MAPK8IP2: variants seen among roughly 807,000 people sequenced by gnomAD.
MAPK8IP2 encodes mitogen-activated protein kinase 8 interacting protein 2.
A neutral mutation model predicts 75.6 loss-of-function variants in MAPK8IP2; 15 were observed. That is an observed-to-expected ratio of 0.20 (90% CI 0.13 to 0.31). The LOEUF (loss-of-function observed/expected upper bound fraction) is 0.31, where lower values mean the gene tolerates loss of function less well. Ranked by LOEUF, MAPK8IP2 falls within the 10% of genes least tolerant of loss-of-function variation. The pLI is 1.00. For synonymous variants in MAPK8IP2, 632 were observed against 554.5 expected, an observed-to-expected ratio of 1.14 and a Z score of -1.96; for missense variants, 1,089 against 1,211.2, an observed-to-expected ratio of 0.90 and a Z score of 1.50.
Position 50,605,819 on chromosome 22 carries a change from C to G in MAPK8IP2, c.2015-6C>G. 6.3e-7 allele frequency: 1 copy of G among 1,590,118 alleles called. No homozygotes were observed. The highest frequency in any genetic ancestry group is 8.6e-7 in the Non-Finnish European group (1 of 1,169,354). On this transcript the variant is annotated splice_polypyrimidine_tract_variant and splice_region_variant and intron_variant, in intron 7 of 11. Transcript: ENST00000329492. Reference sequence around the variant, plus strand: ...TGACCTGGGCCCTCTGTGCCCCGCTCCCCAGGGAGTAAGCGGAGCCCCTGC... The same window carrying G: ...TGACCTGGGCCCTCTGTGCCCCGCTGCCCAGGGAGTAAGCGGAGCCCCTGC...
Position 50,604,300 on chromosome 22 carries a change from G to C in MAPK8IP2, c.1001G>C (p.Gly334Ala). ...PDDTNSEYES[G>A]SESEPDLSED... ...GACACCAACAGCGAGTACGAGTCGG[G>C]GTCGGAGTCGGAGCCGGACCTCAGC... The change falls in exon 5 of 12, where the codon GGG (glycine) becomes GCG (alanine). Residue 334 changes from glycine to alanine, a missense_variant. By Grantham distance (60) the Gly-to-Ala change is moderately conservative. Coordinates refer to ENST00000329492, the MANE Select transcript of MAPK8IP2 (RefSeq NM_012324.6). 6.4e-7 allele frequency: 1 copy of C among 1,553,168 alleles called. No individual in the cohort carries two copies. Among genetic ancestry groups the C allele is most frequent in the Non-Finnish European group, 8.6e-7 (1 of 1,156,848 alleles).
Position 50,603,816 on chromosome 22 carries a change from G to C in MAPK8IP2, c.542-25G>C, listed in dbSNP as rs747248847. ...AAGAGGCCTGGGTGGTGCAGAGAGGGTGACCCCACCTCCCTGCCCAGCAGA... is the reference window on the plus strand; with the variant it reads ...AAGAGGCCTGGGTGGTGCAGAGAGGCTGACCCCACCTCCCTGCCCAGCAGA... On this transcript the variant is annotated intron_variant, in intron 4 of 11. Coordinates refer to ENST00000329492, the MANE Select transcript of MAPK8IP2 (RefSeq NM_012324.6). 32 of 1,524,772 alleles carry C rather than the reference G, an allele frequency of 2.1e-5. No homozygotes were observed. The South Asian group carries it at 3.8e-4, about 18-fold the overall frequency. 94.5% of individuals were successfully genotyped at this position (1,524,772 alleles called of 1,614,324 possible). A position where few individuals can be genotyped will look rare whatever the true frequency, so the allele number is the denominator to read the frequency against.
chr22:50,609,820 G>A lies in MAPK8IP2; in HGVS notation c.2304-392G>A, dbSNP rs773638694. The A allele has an allele frequency of 1.3e-5, 7 of 520,676 alleles. No homozygotes were observed. In the Admixed American group the frequency reaches 1.4e-4, roughly 10 times the overall value. 32.3% of individuals were successfully genotyped at this position (520,676 alleles called of 1,614,324 possible). On this transcript the variant is annotated intron_variant, in intron 10 of 11. Transcript: ENST00000329492. The stretch of plus-strand genomic sequence containing the variant: ...GCCCCACCTCGGAGCTGGGCAAGGG[G>A]CTGTCAGTCTGCTAGGCCCGCAGGA...
At chr22:50,602,813 C>T (rs926373074) in intron 2 of MAPK8IP2, among the ~76,000 whole-genome samples, 3 of 152,128 alleles carry the variant, frequency 2.0e-5, no homozygotes, top group African/African-American at 7.2e-5. Flanking sequence ...TTCTTGGGGG[C>T]GGGTGCAACA....
chr22:50,602,843 C>T (rs954870444), intron 2 of MAPK8IP2, among the ~76,000 whole-genome samples: 1 of 152,218 alleles, frequency 6.6e-6, no homozygotes, highest in African/African-American at 2.4e-5. Flanking sequence ...ATGGACATGA[C>T]CCTGCCCTGG....
rs923951700 is a variant in MAPK8IP2 at position 50,605,262 on chromosome 22, A to G, written c.1766-106A>G. On this transcript the variant is annotated intron_variant, in intron 5 of 11. Coordinates refer to ENST00000329492, the MANE Select transcript of MAPK8IP2 (RefSeq NM_012324.6). ...TCCTTCCCGCTCGTAGGACACCTAC[A>G]CCGGACTGTGGAGGGGACTTGGCCT... is the stretch of plus-strand genomic sequence containing the variant. 30 of 1,192,164 alleles carry G rather than the reference A, an allele frequency of 2.5e-5. No homozygotes were observed. The African/African-American group carries it at 3.1e-4, about 12-fold the overall frequency. 73.8% of individuals were successfully genotyped at this position (1,192,164 alleles called of 1,614,324 possible). A position where few individuals can be genotyped will look rare whatever the true frequency, so the allele number is the denominator to read the frequency against.
At chr22:50,603,017 G>C in intron 2 of MAPK8IP2, 1 of 1,047,846 alleles carries the variant, frequency 9.5e-7, no homozygotes, top group Non-Finnish European at 1.3e-6. Context: ...TTCAGCTGTA[G>C]AGTTTAGGCC....
At position 50,610,946 on chromosome 22, in the gene MAPK8IP2, C is replaced by T. The variant is rs1318134875; in HGVS notation, c.*167C>T. 1.5e-5 allele frequency: 9 copies of T among 597,926 alleles called. No homozygotes were observed. The highest frequency in any genetic ancestry group is 2.6e-5 in the Non-Finnish European group (9 of 342,262). The allele number at this position is 597,926 out of a possible 1,614,324, so 37.0% of individuals were successfully genotyped here. On this transcript the variant is annotated 3_prime_UTR_variant, in exon 12 of 12. Coordinates refer to ENST00000329492, the MANE Select transcript of MAPK8IP2 (RefSeq NM_012324.6). The surrounding 1 kb of genome is among the most constrained non-coding windows in gnomAD (Gnocchi z 4.3). ...ACTCTCGTCCTCGGTCCCCAGGGCGCAGCTGTTGGGGCTGCGGGGGAGTGG... is the reference window on the plus strand; with the variant it reads ...ACTCTCGTCCTCGGTCCCCAGGGCGTAGCTGTTGGGGCTGCGGGGGAGTGG...
chr22:50,605,123 C>T (rs2146685573), intron 5 of MAPK8IP2, 59 bp downstream of exon 5: 6 of 1,590,246 alleles, frequency 3.8e-6, no homozygotes, highest in Non-Finnish European at 5.2e-6. Flanking sequence ...CTCCCTGGCC[C>T]CAGTCCCAGG....
chr22:50,608,825 C>T lies in MAPK8IP2; in HGVS notation c.2304-1387C>T, dbSNP rs373543828. On this transcript the variant is annotated intron_variant, in intron 10 of 11. Transcript: ENST00000329492. The stretch of plus-strand genomic sequence containing the variant: ...GCTCTGGGGTCACTGGGACAGCGGA[C>T]GGGGCGCAGACCAGACAGTGGGGAC... Among the ~76,000 whole-genome samples, 16 of 139,380 alleles carry T rather than the reference C, an allele frequency of 1.1e-4. 1 individual carries two copies. The South Asian group carries it at 2.7e-3, about 23-fold the overall frequency. 91.4% of individuals were successfully genotyped at this position (139,380 alleles called of 152,430 possible). A position where few individuals can be genotyped will look rare whatever the true frequency, so the allele number is the denominator to read the frequency against.
In MAPK8IP2 at chr22:50,603,671, T is replaced by C. The variant is rs1342336587; in HGVS notation, c.493T>C (p.Ser165Pro). The C allele has an allele frequency of 2.5e-6, 4 of 1,590,746 alleles. No individual in the cohort carries two copies. The highest frequency in any genetic ancestry group is 1.1e-5 in the South Asian group (1 of 87,630). The part of the protein sequence containing the change: ...NGGFDLVRPA[S>P]WQETALCSPA... ...AGGCTTTGACCTGGTGCGTCCGGCC[T>C]CCTGGCAGGAGACAGCGCTATGCTC... Residue 165 changes from serine to proline, a missense_variant, in exon 4 of 12, where the codon TCC becomes CCC. Coordinates refer to ENST00000329492, the MANE Select transcript of MAPK8IP2 (RefSeq NM_012324.6).
In MAPK8IP2 at chr22:50,613,757, G is replaced by T. The variant is rs2071185275; in HGVS notation, c.*2978G>T. On this transcript the variant is annotated 3_prime_UTR_variant, in exon 12 of 12. Transcript: ENST00000329492. ...TGTCACTGGGTGACCTCCCGTCCTT[G>T]TGGGCGCTCCCGGGCCCTGGTCTCG... 6.6e-6 allele frequency: 1 copy of T among 152,158 alleles called. No individual in the cohort carries two copies. Among genetic ancestry groups the T allele is most frequent in the Non-Finnish European group, 1.5e-5 (1 of 68,086 alleles). The allele number at this position is 152,158 out of a possible 1,614,324, so 9.4% of individuals were successfully genotyped here. A position where few individuals can be genotyped will look rare whatever the true frequency, so the allele number is the denominator to read the frequency against.
In MAPK8IP2 at chr22:50,604,087, G is replaced by T. The variant is rs1247664219; in HGVS notation, c.788G>T (p.Arg263Leu). Residue 263 changes from arginine to leucine, a missense_variant, in exon 5 of 12, where the codon CGC becomes CTC. Arg to Leu is a moderately radical substitution (Grantham distance 102, BLOSUM62 -2). Transcript: ENST00000329492. ...GACTCGGAGGACGCGGGCGGCGCGC[G>T]CCTGGGGCGCATGATCTCGTCCATC... ...GSDSEDAGGARLGRMISSISE... is the reference protein window; with the variant it reads ...GSDSEDAGGALLGRMISSISE... The T allele has an allele frequency of 3.9e-6, 6 of 1,546,736 alleles. No homozygotes were observed. Among genetic ancestry groups the T allele is most frequent in the Non-Finnish European group, 5.2e-6 (6 of 1,155,012 alleles).
rs1213173552 is a variant in MAPK8IP2, at chr22:50,612,195, C to G, written c.*1416C>G. ...TCAGAAAAAGGAAAAGAAAAACAAT[C>G]TACTTAGATCTTAAAATGGATATTT... On this transcript the variant is annotated 3_prime_UTR_variant, in exon 12 of 12. Transcript: ENST00000329492. 1 of 152,124 alleles carries G rather than the reference C, an allele frequency of 6.6e-6. No individual in the cohort carries two copies. Among genetic ancestry groups the G allele is most frequent in the Non-Finnish European group, 1.5e-5 (1 of 68,032 alleles). The allele number at this position is 152,124 out of a possible 1,614,324, so 9.4% of individuals were successfully genotyped here.
Position 50,610,914 on chromosome 22 carries a change from G to C in MAPK8IP2, c.*135G>C. 1.4e-6 allele frequency: 1 copy of C among 736,766 alleles called. No homozygotes were observed. The highest frequency in any genetic ancestry group is 2.9e-5 in the East Asian group (1 of 34,492). The allele number at this position is 736,766 out of a possible 1,614,324, so 45.6% of individuals were successfully genotyped here. A position where few individuals can be genotyped will look rare whatever the true frequency, so the allele number is the denominator to read the frequency against. ...ACCTTACGCTTGTGGGGGTCTGCGG[G>C]CTGGGAACTCTCGTCCTCGGTCCCC... On this transcript the variant is annotated 3_prime_UTR_variant, in exon 12 of 12. Coordinates refer to ENST00000329492, the MANE Select transcript of MAPK8IP2 (RefSeq NM_012324.6). This position sits in a 1 kb window ranked among gnomAD's most constrained non-coding sequence, Gnocchi z 4.3.
Position 50,605,258 on chromosome 22 carries a change from C to T in MAPK8IP2, c.1766-110C>T, listed in dbSNP as rs1413396799. 4.3e-6 allele frequency: 5 copies of T among 1,173,256 alleles called. No individual in the cohort carries two copies. The Admixed American group carries it at 8.0e-5, about 19-fold the overall frequency. 72.7% of individuals were successfully genotyped at this position (1,173,256 alleles called of 1,614,324 possible). A position where few individuals can be genotyped will look rare whatever the true frequency, so the allele number is the denominator to read the frequency against. On this transcript the variant is annotated intron_variant, in intron 5 of 11. Transcript: ENST00000329492. The stretch of plus-strand genomic sequence containing the variant: ...CAGCTCCTTCCCGCTCGTAGGACAC[C>T]TACACCGGACTGTGGAGGGGACTTG...
At chr22:50,608,886 G>C (rs1252686304) in intron 10 of MAPK8IP2, among the ~76,000 whole-genome samples, 2 of 152,202 alleles carry the variant, frequency 1.3e-5, no homozygotes, top group East Asian at 3.8e-4. Context: ...ACGCTGCCAG[G>C]AGAGGAAGAA....
Position 50,603,874 on chromosome 22 carries a change from G to T in MAPK8IP2, c.575G>T (p.Gly192Val). Reference protein sequence around the residue: ...LPGPLPATDTGPGGAQSPVRP... With the variant: ...LPGPLPATDTVPGGAQSPVRP... ...GGCCCCCTCCCTGCCACGGACACCG[G>T]GCCCGGCGGGGCGCAGTCGCCAGTG... is the stretch of plus-strand genomic sequence containing the variant. Residue 192 changes from glycine (G) to valine (V), a missense_variant, in exon 5 of 12, where the codon GGG (glycine) becomes GTG (valine). Physicochemically the swap from Gly to Val is moderately radical, Grantham distance 109. Coordinates refer to ENST00000329492, the MANE Select transcript of MAPK8IP2 (RefSeq NM_012324.6). 6.5e-7 allele frequency: 1 copy of T among 1,534,276 alleles called. No individual in the cohort carries two copies. The highest frequency in any genetic ancestry group is 8.8e-7 in the Non-Finnish European group (1 of 1,142,668).
At position 50,604,085 on chromosome 22, in the gene MAPK8IP2, G is replaced by A; in HGVS notation, c.786G>A (p.Ala262=). Residue 262 remains alanine, a synonymous_variant, in exon 5 of 12, where the codon GCG becomes GCA. Transcript: ENST00000329492. ...CCGACTCGGAGGACGCGGGCGGCGC[G>A]CGCCTGGGGCGCATGATCTCGTCCA... The part of the protein sequence containing the change: ...PGSDSEDAGG[A]RLGRMISSIS... 1 of 1,543,640 alleles carries A rather than the reference G, an allele frequency of 6.5e-7. No homozygotes were observed. Among genetic ancestry groups the A allele is most frequent in the Non-Finnish European group, 8.7e-7 (1 of 1,153,418 alleles).
Sources: allele counts gnomAD v4.1 joint callset (sites outside exome capture counted in the v4.1 genomes callset), GRCh38; gene constraint gnomAD v4.1.1; non-coding constraint Gnocchi (gnomAD v3.1); transcripts MANE v1.5; gene names NCBI Gene and HGNC (gene_info 2026-07-23, HGNC 2026-07-21).